The following SYN3 variants were observed in gnomAD, a reference collection of about 807,000 sequenced individuals.
The protein encoded by SYN3 is synapsin III, also known as synapsin-3.
In SYN3, 35 loss-of-function variants were observed where a neutral mutation model predicts 65.8. That is an observed-to-expected ratio of 0.53 (90% CI 0.41 to 0.70). The LOEUF (loss-of-function observed/expected upper bound fraction) is 0.70, where lower values mean the gene tolerates loss of function less well. SYN3 is among the 30% of genes least tolerant of loss of function. The pLI, the probability that SYN3 is intolerant of heterozygous loss-of-function variation, is 0.00. For missense variants in SYN3, 680 were observed against 749.0 expected (o/e 0.91, Z 1.08); for synonymous variants, 270 against 292.9 (o/e 0.92, Z 0.80).
chr22:32,766,157 G>A (rs183995758), intron 6 of SYN3, among the ~76,000 whole-genome samples: 511 of 152,308 alleles, frequency 3.4e-3, no homozygotes, highest in African/African-American at 9.9e-3. Flanking sequence ...AGACTGGGGC[G>A]TGGGTGAGAT....
At chr22:32,955,919 C>G (rs1305095188) in intron 3 of SYN3, among the ~76,000 whole-genome samples, 1 of 151,874 alleles carries the variant, frequency 6.6e-6, no homozygotes, top group East Asian at 1.9e-4. Context: ...TTCCTGCCCT[C>G]TAACATTGGA....
intron 6 of SYN3, among the ~76,000 whole-genome samples, chr22:32,657,088 T>C: frequency 6.6e-6 from 1 of 152,100 alleles, no homozygotes; most frequent in East Asian, 1.9e-4. Context: ...CCTGAGAGAC[T>C]CTGCATTTGC....
intron 4 of SYN3, among the ~76,000 whole-genome samples, chr22:32,917,363 T>A (rs1454363554): frequency 2.0e-5 from 3 of 152,146 alleles, no homozygotes; most frequent in African/African-American, 7.2e-5. Flanking sequence ...ACCTGTCAGC[T>A]ATGTGGCCTC....
intron 7 of SYN3, among the ~76,000 whole-genome samples, chr22:32,585,931 CG>C (rs2059019537): frequency 1.5e-5 from 1 of 68,110 alleles, no homozygotes; most frequent in East Asian, 7.1e-4. Flanking sequence ...TGTGTATATA[CG>C]TATATGTGTA....
At chr22:32,575,969 A>G (rs953956644) in intron 7 of SYN3, among the ~76,000 whole-genome samples, 1 of 152,226 alleles carries the variant, frequency 6.6e-6, no homozygotes, top group African/African-American at 2.4e-5. Flanking sequence ...ATGTGAGTAC[A>G]TTGAGATTAA....
intron 4 of SYN3, among the ~76,000 whole-genome samples, chr22:32,901,844 G>A (rs1484070576): frequency 1.3e-5 from 2 of 152,226 alleles, no homozygotes; most frequent in African/African-American, 4.8e-5. Flanking sequence ...TGGCCTTTCT[G>A]CCTTACGATG....
At chr22:32,729,441 C>A (rs1006104687) in intron 6 of SYN3, among the ~76,000 whole-genome samples, 17 of 152,184 alleles carry the variant, frequency 1.1e-4, no homozygotes, top group African/African-American at 3.6e-4. Context: ...CAGCTGGTCA[C>A]CTGCTTTGTG....
rs2060226969 is a variant in SYN3 at position 32,662,264 on chromosome 22, TTA to T, written c.712-65530_712-65529del. On this transcript the variant is annotated intron_variant, in intron 6 of 13. Transcript: ENST00000358763. ...GATGCCTTAGTTCTATAGGGCTGTCTTATCTTAACTCATATCCATGTTCACGG... is the reference window on the plus strand; with the variant it reads ...GATGCCTTAGTTCTATAGGGCTGTCTTCTTAACTCATATCCATGTTCACGG... 5.8e-5 allele frequency among the ~76,000 whole-genome samples: 5 copies of T among 85,872 alleles called. No homozygotes were observed. In the Admixed American group the frequency reaches 7.7e-4, roughly 13 times the overall value. The allele number at this position is 85,872 out of a possible 152,430, so 56.3% of individuals were successfully genotyped here. A position where few individuals can be genotyped will look rare whatever the true frequency, so the allele number is the denominator to read the frequency against.
chr22:32,811,191 T>A (rs1292883658), intron 6 of SYN3, among the ~76,000 whole-genome samples: 1 of 151,954 alleles, frequency 6.6e-6, no homozygotes, highest in Non-Finnish European at 1.5e-5. Context: ...AGGGAAGGCA[T>A]GTCTGGAGAG....
chr22:32,716,302 C>T (rs2061038827), intron 6 of SYN3, among the ~76,000 whole-genome samples: 1 of 151,854 alleles, frequency 6.6e-6, no homozygotes, highest in African/African-American at 2.4e-5. Context: ...TGTATGTGTG[C>T]CTGTGTGTCA....
chr22:32,644,840 T>G (rs1176401137), intron 6 of SYN3, among the ~76,000 whole-genome samples: 1 of 152,084 alleles, frequency 6.6e-6, no homozygotes, highest in Non-Finnish European at 1.5e-5. Flanking sequence ...TTTTCTCCTC[T>G]TTTTCTGACT....
chr22:32,949,386 G>A (rs907786246), intron 3 of SYN3, among the ~76,000 whole-genome samples: 4 of 151,850 alleles, frequency 2.6e-5, no homozygotes, highest in Non-Finnish European at 4.4e-5. Flanking sequence ...ACTGCACTCC[G>A]GCCTGGGAGA....
chr22:32,827,429 C>T (rs980667268), intron 6 of SYN3, among the ~76,000 whole-genome samples: 1 of 152,196 alleles, frequency 6.6e-6, no homozygotes, highest in Admixed American at 6.5e-5. Flanking sequence ...GGTGCCAGTC[C>T]CTGCAAGCTC....
chr22:32,888,762 T>C (rs1034499541), intron 4 of SYN3, among the ~76,000 whole-genome samples: 2 of 152,180 alleles, frequency 1.3e-5, no homozygotes, highest in Non-Finnish European at 2.9e-5. Context: ...AGCACTGACA[T>C]GACACTCAAT....
At chr22:32,883,226 T>C (rs1048029691) in intron 4 of SYN3, among the ~76,000 whole-genome samples, 1 of 152,206 alleles carries the variant, frequency 6.6e-6, no homozygotes, top group Non-Finnish European at 1.5e-5. Context: ...TGGAGACATA[T>C]GGCAGTAATT....
At chr22:32,945,239 T>A (rs1601753113) in intron 3 of SYN3, among the ~76,000 whole-genome samples, 1 of 152,040 alleles carries the variant, frequency 6.6e-6, no homozygotes, top group Admixed American at 6.6e-5. Context: ...GCCAAGACAA[T>A]CCTAAGCGAA....
At chr22:32,990,917 G>T (rs1205042303) in intron 2 of SYN3, among the ~76,000 whole-genome samples, 1 of 152,234 alleles carries the variant, frequency 6.6e-6, no homozygotes, top group South Asian at 2.1e-4. Flanking sequence ...TGGGCGCAGT[G>T]GCTCACGCCT....
chr22:32,573,764 G>GTTT (rs1206847975), intron 7 of SYN3, among the ~76,000 whole-genome samples: 5 of 108,500 alleles, frequency 4.6e-5, no homozygotes, highest in African/African-American at 3.9e-5. Context: ...GAAGGAAGGG[G>GTTT]TTTTTTTTTT....
intron 1 of SYN3, among the ~76,000 whole-genome samples, chr22:33,020,713 GC>G (rs2053545676): frequency 6.6e-6 from 1 of 152,098 alleles, no homozygotes; most frequent in Non-Finnish European, 1.5e-5. Flanking sequence ...TCAAGTGCAA[GC>G]CCCCTCCCAA....
Sources: gnomAD v4.1 joint callset for allele counts (sites outside exome capture counted in the v4.1 genomes callset) on GRCh38, gnomAD v4.1.1 for gene constraint, MANE v1.5 for transcripts, NCBI Gene and HGNC (gene_info 2026-07-23, HGNC 2026-07-21) for gene names.